INPP5B: variants seen among roughly 807,000 people sequenced by gnomAD.
The protein encoded by INPP5B is type II inositol 1,4,5-trisphosphate 5-phosphatase.
In INPP5B, 90 loss-of-function variants were observed where a neutral mutation model predicts 118.5. The observed-to-expected ratio is 0.76, with a 90% CI of 0.64 to 0.90. The LOEUF is 0.90. Among genes scored for constraint, INPP5B ranks in the 40% least tolerant of loss-of-function variants. The pLI, the probability that INPP5B is intolerant of heterozygous loss-of-function variation, is 0.00. For missense variants in INPP5B, 984 were observed against 1,125.6 expected, an observed-to-expected ratio of 0.87 and a Z score of 1.80; for synonymous variants, 385 against 418.9, an observed-to-expected ratio of 0.92 and a Z score of 0.99.
chr1:37,925,993 A>C (rs2148647884), intron 7 of INPP5B, among the ~76,000 whole-genome samples: 1 of 152,344 alleles, frequency 6.6e-6, no homozygotes, highest in South Asian at 2.1e-4. Flanking sequence ...GATAAACAAA[A>C]GCAAATTTAT....
chr1:37,939,138 G>A (rs1056756418), intron 6 of INPP5B, among the ~76,000 whole-genome samples: 1 of 148,798 alleles, frequency 6.7e-6, no homozygotes, highest in East Asian at 2.0e-4. Context: ...AGGTTGCAGC[G>A]AGCCAAGGTC....
At chr1:37,896,244 C>T (rs1644053563) in intron 7 of INPP5B, among the ~76,000 whole-genome samples, 1 of 150,498 alleles carries the variant, frequency 6.6e-6, no homozygotes, top group Admixed American at 6.6e-5. Flanking sequence ...TGGCAACCGC[C>T]CCGTCTGAGA....
rs947720398 is a variant in INPP5B, at chr1:37,907,880, G to A, written c.533-16426C>T. Among the ~76,000 whole-genome samples the A allele has an allele frequency of 6.6e-6, 1 of 152,086 alleles. No individual in the cohort carries two copies. Among genetic ancestry groups the A allele is most frequent in the African/African-American group, 2.4e-5 (1 of 41,420 alleles). On this transcript the variant is annotated intron_variant, in intron 7 of 23. Transcript: ENST00000373024. This position sits in a 1 kb window ranked among gnomAD's most constrained non-coding sequence, Gnocchi z 4.3. ...GTGACCTGCATGTATACATCCAGATGGCCTGAAGCAACTGAAGATCCACAA... is the reference window on the plus strand; with the variant it reads ...GTGACCTGCATGTATACATCCAGATAGCCTGAAGCAACTGAAGATCCACAA...
chr1:37,880,282 C>T, intron 14 of INPP5B, 88 bp from the exon 15 acceptor site: 1 of 971,572 alleles, frequency 1.0e-6, no homozygotes, highest in South Asian at 1.4e-5. Context: ...ATCTGGAATT[C>T]AAACTCTAAC....
chr1:37,924,599 G>A (rs1229965438), intron 7 of INPP5B, among the ~76,000 whole-genome samples: 3 of 151,980 alleles, frequency 2.0e-5, no homozygotes, highest in Non-Finnish European at 2.9e-5. Context: ...GGAAAGTTGA[G>A]ACACACGTTT....
At chr1:37,879,765 A>G (rs1643081260) in intron 15 of INPP5B, among the ~76,000 whole-genome samples, 1 of 152,142 alleles carries the variant, frequency 6.6e-6, no homozygotes, top group South Asian at 2.1e-4. Flanking sequence ...CTCAAAACAA[A>G]CAAACAAACA....
Position 37,865,860 on chromosome 1 carries a change from G to C in INPP5B, c.2415C>G (p.Ala805=). The C allele has an allele frequency of 6.2e-7, 1 of 1,613,620 alleles. No individual in the cohort carries two copies. Residue 805 remains alanine, a synonymous_variant, in exon 22 of 24, where the codon GCC becomes GCG. Transcript: ENST00000373024. ...GAAGGCTCTCCAGGAAAAGCAGCAG[G>C]GCTTCGGCTACAGAATGATTGCTGG... ...LSASNHSVAE[A]LLLFLESLPE... is the part of the protein sequence containing the mutation.
chr1:37,938,295 A>AAATCAATCAATC (rs1553162612), intron 6 of INPP5B, among the ~76,000 whole-genome samples: 1 of 151,132 alleles, frequency 6.6e-6, no homozygotes, highest in Non-Finnish European at 1.5e-5. Flanking sequence ...ATAAATAAAT[A>AAATCAATCAATC]AATAAATAAA....
At chr1:37,906,888 A>T (rs66462224) in intron 7 of INPP5B, among the ~76,000 whole-genome samples, 33,008 of 151,516 alleles carry the variant, frequency 0.22, 4,486 homozygotes, top group Non-Finnish European at 0.3. Context: ...GAAAGAAAAA[A>T]AAAACCTATG....
chr1:37,888,504 A>C (rs1372981033), intron 9 of INPP5B, among the ~76,000 whole-genome samples, 160 bp from the exon 10 acceptor site: 1 of 152,214 alleles, frequency 6.6e-6, no homozygotes, highest in Non-Finnish European at 1.5e-5. Flanking sequence ...AGCACCAAGG[A>C]GTGACTTGCG....
At position 37,944,764 on chromosome 1, in the gene INPP5B, T is replaced by C. The variant is rs537792546; in HGVS notation, c.153-871A>G. Among the ~76,000 whole-genome samples, 36 of 150,922 alleles carry C rather than the reference T, an allele frequency of 2.4e-4. 1 individual carries two copies. The East Asian group carries it at 7.0e-3, about 29-fold the overall frequency. ...ACCCAGCTAATTTTCTTATTTTTTG[T>C]AGAGATGGAGCCGGGGAGCGGGAGG... On this transcript the variant is annotated intron_variant, in intron 3 of 23. Coordinates refer to ENST00000373024, the MANE Select transcript of INPP5B (RefSeq NM_005540.3).
chr1:37,919,543 A>T (rs1644983256), intron 7 of INPP5B, among the ~76,000 whole-genome samples: 2 of 151,808 alleles, frequency 1.3e-5, no homozygotes, highest in Non-Finnish European at 2.9e-5. Flanking sequence ...CAAAGAATTC[A>T]TGGGGAAATA....
chr1:37,904,422 C>A (rs1377661022), intron 7 of INPP5B, among the ~76,000 whole-genome samples: 2 of 151,980 alleles, frequency 1.3e-5, no homozygotes, highest in African/African-American at 4.8e-5. Flanking sequence ...TAGAATAAAA[C>A]TGAAAGTTTA....
intron 7 of INPP5B, among the ~76,000 whole-genome samples, chr1:37,917,214 G>A (rs1479819026): frequency 2.1e-5 from 3 of 145,158 alleles, no homozygotes; most frequent in East Asian, 4.2e-4. Context: ...GCTTGAACCC[G>A]GGAGGCAGAG....
intron 7 of INPP5B, among the ~76,000 whole-genome samples, chr1:37,908,603 A>T (rs532818485): frequency 6.6e-5 from 10 of 151,816 alleles, no homozygotes; most frequent in African/African-American, 2.4e-4. Flanking sequence ...AAAAAGAGAC[A>T]AGGAGACACA....
intron 5 of INPP5B, among the ~76,000 whole-genome samples, chr1:37,943,196 C>G (rs28645205): frequency 0.44 from 66,542 of 151,274 alleles, 17,013 homozygotes; most frequent in Non-Finnish European, 0.58. Context: ...GACGGGGTTT[C>G]TCCATGTTGG....
rs1193669300 is a variant in INPP5B, at chr1:37,874,126, T to C, written c.1818A>G (p.Gln606=). The change falls in exon 18 of 24, where the codon CAA becomes CAG. Residue 606 remains glutamine (Q), a synonymous_variant. Coordinates refer to ENST00000373024, the MANE Select transcript of INPP5B (RefSeq NM_005540.3). ...GAATTGTAAAGGATTCTACTTTCAA[T>C]TGCATGTACTTCACATTCTGAAAAC... ...EFCFQNVKYM[Q]LKVESFTIHN... 4 of 1,586,446 alleles carry C rather than the reference T, an allele frequency of 2.5e-6. No individual in the cohort carries two copies. The highest frequency in any genetic ancestry group is 3.4e-6 in the Non-Finnish European group (4 of 1,159,572).
intron 7 of INPP5B, among the ~76,000 whole-genome samples, chr1:37,912,389 T>C (rs1644729307): frequency 6.6e-6 from 1 of 152,184 alleles, no homozygotes; most frequent in Non-Finnish European, 1.5e-5. Context: ...TTAAACTTAT[T>C]TGCATTTCTG....
At chr1:37,937,788 T>TA (rs1364434373) in intron 6 of INPP5B, among the ~76,000 whole-genome samples, 4 of 150,094 alleles carry the variant, frequency 2.7e-5, no homozygotes, top group Non-Finnish European at 5.9e-5. Flanking sequence ...TAAAATAAAA[T>TA]AAAATAAAAA....
Sources: allele counts gnomAD v4.1 joint callset (sites outside exome capture counted in the v4.1 genomes callset), GRCh38; gene constraint gnomAD v4.1.1; non-coding constraint Gnocchi (gnomAD v3.1); transcripts MANE v1.5; gene names NCBI Gene and HGNC (gene_info 2026-07-23, HGNC 2026-07-21).